The following ZNF568 variants were observed in gnomAD, a reference collection of about 807,000 sequenced individuals.
ZNF568 encodes the protein p53 inhibitor of SCO2 activation.
A neutral mutation model predicts 18.1 loss-of-function variants in ZNF568; 11 were observed. That is an observed-to-expected ratio of 0.61 (90% CI 0.38 to 1.00). ZNF568 has a LOEUF of 1.00. Ranked by LOEUF, ZNF568 falls within the 50% of genes least tolerant of loss-of-function variation. The probability of loss-of-function intolerance (pLI) is 0.01; values close to 1 mark genes in which losing one functional copy is unlikely to be tolerated. For synonymous variants in ZNF568, 213 were observed against 246.6 expected, an observed-to-expected ratio of 0.86 and a Z score of 1.28; for missense variants, 639 against 768.2, an observed-to-expected ratio of 0.83 and a Z score of 1.99.
At chr19:36,984,470 TCTAA>T (rs1438221109), downstream of ZNF568, among the ~76,000 whole-genome samples, 1 of 152,192 alleles carries the variant, frequency 6.6e-6, no homozygotes, top group African/African-American at 2.4e-5. Context: ...TAGGATATAT[TCTAA>T]CTAATCAAAC....
downstream of ZNF568, among the ~76,000 whole-genome samples, chr19:36,957,595 A>G (rs1337688356): frequency 6.6e-6 from 1 of 152,186 alleles, no homozygotes; most frequent in Non-Finnish European, 1.5e-5. Flanking sequence ...GTCATGGGCT[A>G]AAGAGGTGTA....
At chr19:36,961,681 G>A (rs1031782499) in intron 6 of ZNF568, among the ~76,000 whole-genome samples, 2 of 152,054 alleles carry the variant, frequency 1.3e-5, no homozygotes, top group East Asian at 1.9e-4. Flanking sequence ...GCGCTGGCAC[G>A]CCTGGCTATT....
chr19:36,920,397 T>G (rs1421607866), intron 2 of ZNF568, among the ~76,000 whole-genome samples: 1 of 151,868 alleles, frequency 6.6e-6, no homozygotes, highest in African/African-American at 2.4e-5. Context: ...CCGAGGCGGG[T>G]GGATTACAGG....
At position 36,951,281 on chromosome 19, in the gene ZNF568, A is replaced by G. The variant is rs751968336; in HGVS notation, c.*193A>G. The G allele has an allele frequency of 9.1e-6, 4 of 439,096 alleles. No individual in the cohort carries two copies. The highest frequency in any genetic ancestry group is 8.8e-5 in the South Asian group (1 of 11,308). 27.2% of individuals were successfully genotyped at this position (439,096 alleles called of 1,614,324 possible). On this transcript the variant is annotated 3_prime_UTR_variant, in exon 7 of 7. Transcript: ENST00000333987. Reference sequence around the variant, plus strand: ...ATAAAAACCTCAATTCTGAAAATCTATAGACTGAATGCAGTTCCAAACAAA... The same window carrying G: ...ATAAAAACCTCAATTCTGAAAATCTGTAGACTGAATGCAGTTCCAAACAAA...
chr19:36,919,184 C>T lies in ZNF568; in HGVS notation c.-186+1536C>T, dbSNP rs528713984. On this transcript the variant is annotated intron_variant, in intron 2 of 6. Transcript: ENST00000333987. The stretch of plus-strand genomic sequence containing the variant: ...TAATCTTTGATTGTCATAGTGTTTT[C>T]GATAATGACTGAACCATTTTATCAG... Among the ~76,000 whole-genome samples the T allele has an allele frequency of 3.4e-3, 515 of 152,014 alleles. 2 individuals carry two copies. The highest frequency in any genetic ancestry group is 6.5e-3 in the Non-Finnish European group (440 of 68,004).
At chr19:36,942,645 C>A (rs1264240482) in intron 6 of ZNF568, among the ~76,000 whole-genome samples, 1 of 150,010 alleles carries the variant, frequency 6.7e-6, no homozygotes, top group African/African-American at 2.5e-5. Context: ...TATAAGGAAT[C>A]CTCATGTATT....
At chr19:36,988,309 G>A (rs1023557762) in intron 2 of ZNF568, among the ~76,000 whole-genome samples, 1 of 151,878 alleles carries the variant, frequency 6.6e-6, no homozygotes, top group African/African-American at 2.4e-5. Flanking sequence ...GTCCCTTCTC[G>A]CATGCTATAA....
chr19:36,919,945 C>T (rs1040621068), intron 2 of ZNF568, among the ~76,000 whole-genome samples: 1 of 152,262 alleles, frequency 6.6e-6, no homozygotes, highest in East Asian at 1.9e-4. Flanking sequence ...GCCTACTATA[C>T]TATACTTTTT....
intron 4 of ZNF568, among the ~76,000 whole-genome samples, chr19:36,935,687 T>C (rs1321237807): frequency 1.3e-5 from 2 of 152,200 alleles, no homozygotes; most frequent in Non-Finnish European, 2.9e-5. Context: ...ATAATTGTTA[T>C]ATCTTTCTGC....
chr19:36,961,411 C>T (rs1201196440), intron 6 of ZNF568, among the ~76,000 whole-genome samples: 2 of 151,084 alleles, frequency 1.3e-5, no homozygotes, highest in Non-Finnish European at 2.9e-5. Flanking sequence ...CTATATGTGT[C>T]ATTACCAGTA....
intron 6 of ZNF568, among the ~76,000 whole-genome samples, chr19:36,965,704 C>CTTT (rs34377774): frequency 2.5e-5 from 3 of 119,680 alleles, no homozygotes; most frequent in African/African-American, 3.3e-5. Flanking sequence ...TGATCAAGGA[C>CTTT]TTTTTTTTTT....
In ZNF568 at chr19:36,991,777, A is replaced by AT; in HGVS notation, c.161dup (p.Ser55LeufsTer13). On this transcript the variant is annotated frameshift_variant, in exon 4 of 5. Transcript: ENST00000433993. LOFTEE classifies it high-confidence loss of function. ...GCTTTCTGATACTAAGCCAAATGTG[A>AT]TCTCCTTATTGGAGCAGAAGAAAGA... 1 of 1,579,742 alleles carries AT rather than the reference A, an allele frequency of 6.3e-7. No individual in the cohort carries two copies. Among genetic ancestry groups the AT allele is most frequent in the Non-Finnish European group, 8.5e-7 (1 of 1,169,934 alleles).
At chr19:36,974,920 C>T (rs753435751) in intron 7 of ZNF568, among the ~76,000 whole-genome samples, 10 of 146,954 alleles carry the variant, frequency 6.8e-5, no homozygotes, top group Non-Finnish European at 1.0e-4. Context: ...TCCGCCTCCT[C>T]GGTTCTAGTG....
At chr19:36,995,660 A>G (rs776797762) in intron 4 of ZNF568, among the ~76,000 whole-genome samples, 9 of 150,870 alleles carry the variant, frequency 6.0e-5, no homozygotes, top group Non-Finnish European at 1.0e-4. Flanking sequence ...TATTTTCTAG[A>G]GTACCATTTT....
chr19:36,948,658 A>ATTTTTTTTTTTTGTTTTTTTTT (rs2074005098), intron 6 of ZNF568, among the ~76,000 whole-genome samples: 1 of 83,576 alleles, frequency 1.2e-5, no homozygotes, highest in Non-Finnish European at 2.2e-5. Context: ...TTTGTTGTTG[A>ATTTTTTTTTTTTGTTTTTTTTT]TTTTTTTTTT....
downstream of ZNF568, among the ~76,000 whole-genome samples, chr19:36,982,577 G>A (rs913902651): frequency 2.0e-5 from 3 of 151,986 alleles, no homozygotes; most frequent in African/African-American, 7.3e-5. Context: ...GAGGTGGCAG[G>A]TGCCTGTAAT....
chr19:36,968,183 AT>A (rs1266130499), intron 6 of ZNF568, among the ~76,000 whole-genome samples: 1 of 152,214 alleles, frequency 6.6e-6, no homozygotes, highest in Non-Finnish European at 1.5e-5. Context: ...ATAAAATGTA[AT>A]TTCATGATTC....
intron 1 of ZNF568, among the ~76,000 whole-genome samples, chr19:36,917,194 C>T (rs1331782879): frequency 6.6e-6 from 1 of 152,148 alleles, no homozygotes; most frequent in South Asian, 2.1e-4. Context: ...GGCTGCGTGA[C>T]GAGTTAAGAT....
chr19:36,994,735 A>C (rs1198947230), intron 4 of ZNF568, among the ~76,000 whole-genome samples: 1 of 152,110 alleles, frequency 6.6e-6, no homozygotes, highest in Non-Finnish European at 1.5e-5. Flanking sequence ...GCAGTAGCAC[A>C]ATCTCTGCTC....
Sources: gnomAD v4.1 joint callset for allele counts (sites outside exome capture counted in the v4.1 genomes callset) on GRCh38, gnomAD v4.1.1 for gene constraint, MANE v1.5 for transcripts, NCBI Gene and HGNC (gene_info 2026-07-23, HGNC 2026-07-21) for gene names.